HEATR6: variants seen among roughly 807,000 people sequenced by gnomAD.
HEATR6 encodes the protein HEAT repeat-containing protein 6.
HEATR6 carries 106 observed loss-of-function variants against 132.8 expected under a neutral mutation model. That is an observed-to-expected ratio of 0.80 (90% confidence interval 0.68 to 0.94). The LOEUF (loss-of-function observed/expected upper bound fraction) is 0.94, where lower values mean the gene tolerates loss of function less well. Among genes scored for constraint, HEATR6 ranks in the 40% least tolerant of loss-of-function variants. The pLI is 0.00. For missense variants in HEATR6, 1,339 were observed against 1,425.1 expected, an observed-to-expected ratio of 0.94 and a Z score of 0.97; for synonymous variants, 529 against 537.8, an observed-to-expected ratio of 0.98 and a Z score of 0.23.
intron 14 of HEATR6, 144 bp downstream of exon 14, chr17:60,055,371 T>C: frequency 1.9e-6 from 1 of 532,442 alleles, no homozygotes. Flanking sequence ...CAATTTATAC[T>C]AGTTTCATGT....
chr17:60,071,911 G>A (rs753480946), intron 5 of HEATR6, among the ~76,000 whole-genome samples: 9 of 152,158 alleles, frequency 5.9e-5, no homozygotes, highest in Non-Finnish European at 1.0e-4. Context: ...GATATATTTG[G>A]TGAAATCTCT....
chr17:60,061,369 T>C (rs768257620), intron 9 of HEATR6, among the ~76,000 whole-genome samples: 1 of 152,168 alleles, frequency 6.6e-6, no homozygotes, highest in Non-Finnish European at 1.5e-5. Context: ...ACTTCAGAAT[T>C]AAGCATAATC....
At chr17:60,047,170 C>A (rs1325675690) in intron 18 of HEATR6, 139 bp downstream of exon 18, 2 of 529,622 alleles carry the variant, frequency 3.8e-6, no homozygotes, top group African/African-American at 3.9e-5. Context: ...ATACCCTGAG[C>A]ACACCCTCAG....
At chr17:60,047,272 T>C in intron 18 of HEATR6, 37 bp downstream of exon 18, 1 of 1,335,440 alleles carries the variant, frequency 7.5e-7, no homozygotes, top group Non-Finnish European at 1.1e-6. Flanking sequence ...ACATTAACTA[T>C]CTGTTTGGGA....
chr17:60,056,046 TA>T, intron 13 of HEATR6, 68 bp downstream of exon 13: 1 of 1,519,928 alleles, frequency 6.6e-7, no homozygotes, highest in Non-Finnish European at 9.0e-7. Context: ...AGGAAGGATA[TA>T]AAGTGAAGAA....
At chr17:60,055,695 G>A in intron 13 of HEATR6, 94 bp from the exon 14 acceptor site, 1 of 760,042 alleles carries the variant, frequency 1.3e-6, no homozygotes, top group South Asian at 1.8e-5. Context: ...CTTCACTCTA[G>A]TAACACCTCC....
At chr17:60,076,491 A>G (rs1447037008) in intron 1 of HEATR6, 1 of 387,230 alleles carries the variant, frequency 2.6e-6, no homozygotes, top group South Asian at 3.0e-5. Flanking sequence ...GCTTGAGCCC[A>G]GGAGTCCAAG....
intron 11 of HEATR6, among the ~76,000 whole-genome samples, chr17:60,058,103 T>G (rs1217599676): frequency 6.6e-6 from 1 of 152,342 alleles, no homozygotes; most frequent in South Asian, 2.1e-4. Flanking sequence ...CCAGGTCTTT[T>G]GCATATCCAT....
At chr17:60,061,796 G>A (rs544118452) in intron 9 of HEATR6, among the ~76,000 whole-genome samples, 5 of 152,362 alleles carry the variant, frequency 3.3e-5, no homozygotes, top group Non-Finnish European at 7.3e-5. Flanking sequence ...GGCCACAGCT[G>A]GCCAATCCCT....
At chr17:60,051,155 G>A (rs779835440) in intron 14 of HEATR6, among the ~76,000 whole-genome samples, 178 bp from the exon 15 acceptor site, 2 of 152,144 alleles carry the variant, frequency 1.3e-5, no homozygotes, top group Non-Finnish European at 1.5e-5. Flanking sequence ...TAAGCCTCCC[G>A]TTCAACTCCT....
chr17:60,067,162 C>A (rs1034466416), intron 8 of HEATR6, among the ~76,000 whole-genome samples: 1 of 147,940 alleles, frequency 6.8e-6, no homozygotes, highest in Non-Finnish European at 1.5e-5. Context: ...CCCAGCTACT[C>A]GGGAGGCTGA....
intron 2 of HEATR6, chr17:60,074,116 T>C: frequency 8.1e-7 from 1 of 1,239,584 alleles, no homozygotes; most frequent in South Asian, 3.0e-5. Context: ...TAGAACTTGA[T>C]GAAGTCCTTG....
intron 14 of HEATR6, among the ~76,000 whole-genome samples, chr17:60,054,332 C>T (rs1906673846): frequency 6.6e-6 from 1 of 152,226 alleles, no homozygotes; most frequent in Admixed American, 6.5e-5. Flanking sequence ...CCTGGGTGCC[C>T]ATGCAGAAGC....
chr17:60,070,566 G>T, intron 6 of HEATR6, 140 bp downstream of exon 6: 2 of 498,648 alleles, frequency 4.0e-6, no homozygotes, highest in Non-Finnish European at 7.2e-6. Context: ...CTTTGAATAT[G>T]AACATTTTTG....
chr17:60,055,585 C>A lies in HEATR6; in HGVS notation c.2219G>T (p.Gly740Val). Residue 740 changes from glycine (G) to valine (V), a missense_variant, in exon 14 of 20, where the codon GGC becomes GTC. Gly to Val is a moderately radical substitution (Grantham distance 109). Transcript: ENST00000184956. ...TTTATACTGCTGTATTAAGCCTGTG[C>A]CCAGTTCTTCCAGAAGCTGCCAAGA... ...LHGAKLLEELGTGLIQQYKPD... is the reference protein window; with the variant it reads ...LHGAKLLEELVTGLIQQYKPD... The A allele has an allele frequency of 6.2e-7, 1 of 1,610,346 alleles. No individual in the cohort carries two copies. The highest frequency in any genetic ancestry group is 8.5e-7 in the Non-Finnish European group (1 of 1,178,206).
chr17:60,076,242 C>CG lies in HEATR6; in HGVS notation c.220-6_220-5insC. 8.3e-7 allele frequency: 1 copy of CG among 1,199,388 alleles called. No individual in the cohort carries two copies. The highest frequency in any genetic ancestry group is 1.1e-6 in the Non-Finnish European group (1 of 883,588). The allele number at this position is 1,199,388 out of a possible 1,614,324, so 74.3% of individuals were successfully genotyped here. A position where few individuals can be genotyped will look rare whatever the true frequency, so the allele number is the denominator to read the frequency against. On this transcript the variant is annotated splice_region_variant and splice_polypyrimidine_tract_variant and intron_variant, in intron 1 of 19. Transcript: ENST00000184956. The stretch of plus-strand genomic sequence containing the variant: ...GACAAGAAGAGCACTAACGTCCTAC[C>CG]AAAAAAAAAAAGATAAGAGGTAAAA...
intron 16 of HEATR6, 96 bp from the exon 17 acceptor site, chr17:60,048,484 T>G: frequency 8.5e-7 from 1 of 1,177,316 alleles, no homozygotes; most frequent in Non-Finnish European, 1.2e-6. Flanking sequence ...GAAGCCTTCA[T>G]GCACATTTCT....
intron 5 of HEATR6, among the ~76,000 whole-genome samples, chr17:60,071,871 G>A (rs1017694399): frequency 6.6e-5 from 10 of 152,066 alleles, no homozygotes; most frequent in African/African-American, 1.4e-4. Context: ...CGTTTGCATC[G>A]TATTTTTAAA....
chr17:60,077,298 C>T (rs2083301796), intron 1 of HEATR6, among the ~76,000 whole-genome samples: 1 of 152,090 alleles, frequency 6.6e-6, no homozygotes, highest in Non-Finnish European at 1.5e-5. Context: ...AAAAACACTG[C>T]AAGCAAAGTG....
Sources: gnomAD v4.1 joint callset for allele counts (sites outside exome capture counted in the v4.1 genomes callset) on GRCh38, gnomAD v4.1.1 for gene constraint, MANE v1.5 for transcripts, NCBI Gene and HGNC (gene_info 2026-07-23, HGNC 2026-07-21) for gene names.